Variants in POC1B observed in about 807,000 individuals in gnomAD.
The protein encoded by POC1B is POC1 centriolar protein homolog B.
POC1B carries 44 observed loss-of-function variants against 60.6 expected under a neutral mutation model. That is an observed-to-expected ratio of 0.73 (90% CI 0.57 to 0.93). The LOEUF is 0.93. POC1B is among the 40% of genes least tolerant of loss of function. The probability of loss-of-function intolerance (pLI) is 0.00; values close to 1 mark genes in which losing one functional copy is unlikely to be tolerated. For missense variants in POC1B, 555 were observed against 572.3 expected (o/e 0.97, Z 0.31); for synonymous variants, 180 against 198.9 (o/e 0.90, Z 0.80).
intron 2 of POC1B, among the ~76,000 whole-genome samples, chr12:89,502,979 G>A (rs901095926): frequency 1.3e-5 from 2 of 152,100 alleles, no homozygotes; most frequent in African/African-American, 4.8e-5. Context: ...GTGTATATAT[G>A]TATATGTGAA....
intron 9 of POC1B, 136 bp downstream of exon 9, chr12:89,466,634 A>G (rs1405119264): frequency 1.4e-5 from 11 of 804,966 alleles, no homozygotes; most frequent in Non-Finnish European, 5.7e-6. Context: ...TATAGTGAAA[A>G]CAACTGTTTA....
chr12:89,404,594 A>G, the POC1B span, among the ~76,000 whole-genome samples: 1 of 152,134 alleles, frequency 6.6e-6, no homozygotes, highest in Non-Finnish European at 1.5e-5. Flanking sequence ...AGGTTCTATC[A>G]ATAATTTTGA....
In POC1B at chr12:89,482,017, A is replaced by G. The variant is rs115101457; in HGVS notation, c.453-9742T>C. 3.7e-3 allele frequency among the ~76,000 whole-genome samples: 568 copies of G among 152,318 alleles called. 2 individuals carry two copies. Among genetic ancestry groups the G allele is most frequent in the African/African-American group, 0.013 (530 of 41,562 alleles). ...CTTTAGACAACGACAGCATAATCTA[A>G]ACTCAAAAATTTAGCCATGTTTGGA... On this transcript the variant is annotated intron_variant, in intron 4 of 11. Coordinates refer to ENST00000313546, the MANE Select transcript of POC1B (RefSeq NM_172240.3).
chr12:89,522,836 G>T, intron 2 of POC1B: 1 of 1,586,656 alleles, frequency 6.3e-7, no homozygotes, highest in South Asian at 1.2e-5. Context: ...CTCCAAATTT[G>T]ATTTTTATCT....
chr12:89,487,555 A>G (rs2135733832), intron 4 of POC1B, among the ~76,000 whole-genome samples: 1 of 152,302 alleles, frequency 6.6e-6, no homozygotes. Context: ...CTCAAGTTCC[A>G]CAGAGGCTGA....
chr12:89,522,660 T>C, intron 2 of POC1B: 1 of 913,298 alleles, frequency 1.1e-6, no homozygotes. Flanking sequence ...AGTTTCAGTG[T>C]GATATACCAA....
chr12:89,432,656 G>C (rs1881086463), intron 10 of POC1B, among the ~76,000 whole-genome samples: 3 of 152,170 alleles, frequency 2.0e-5, no homozygotes, highest in Admixed American at 2.0e-4. Flanking sequence ...GCTAAGCAAT[G>C]TGCTGTGTTA....
chr12:89,466,787 T>C lies in POC1B; in HGVS notation c.1015A>G (p.Lys339Glu). 1 of 1,612,322 alleles carries C rather than the reference T, an allele frequency of 6.2e-7. No homozygotes were observed. ...YPRTPHPHEE[K>E]VETVEINPKL... is the part of the protein sequence containing the mutation. The stretch of plus-strand genomic sequence containing the variant: ...ATACTCACTTCTACAGTCTCAACTT[T>C]TTCCTCATGGGGATGTGGTGTTCTT... Residue 339 changes from lysine (K) to glutamate (E), a missense_variant, in exon 9 of 12, where the codon AAA (lysine) becomes GAA (glutamate). Coordinates refer to ENST00000313546, the MANE Select transcript of POC1B (RefSeq NM_172240.3).
At chr12:89,491,844 A>T in intron 4 of POC1B, 92 bp downstream of exon 4, 1 of 1,061,746 alleles carries the variant, frequency 9.4e-7, no homozygotes, top group Non-Finnish European at 1.3e-6. Flanking sequence ...GAATGAATGA[A>T]TATGTCCTCA....
chr12:89,415,536 G>T (rs903436209), downstream of POC1B, among the ~76,000 whole-genome samples: 1 of 151,942 alleles, frequency 6.6e-6, no homozygotes, highest in South Asian at 2.1e-4. Flanking sequence ...CCAGCTACTC[G>T]GGAGGCTGAG....
the POC1B span, among the ~76,000 whole-genome samples, chr12:89,408,528 C>T: frequency 6.6e-6 from 1 of 151,586 alleles, no homozygotes; most frequent in East Asian, 1.9e-4. Flanking sequence ...CTCTGTCACC[C>T]AGGCTGGAGT....
chr12:89,466,895 C>A lies in POC1B; in HGVS notation c.907G>T (p.Glu303Ter). ...TTGGTAAGACCTTTACAATGCAATT[C>A]ATCAAAGTTAGTCCTCCATAATAAG... ...QVLLWRTNFDELHCKGLTKRN... is the reference protein window; with the variant it reads ...QVLLWRTNFD Residue 303 changes from glutamate (E) to a stop codon, truncating the protein, a stop_gained, in exon 9 of 12, where the codon GAA becomes TAA. Transcript: ENST00000313546. LOFTEE classifies it high-confidence loss of function. 2 of 1,612,576 alleles carry A rather than the reference C, an allele frequency of 1.2e-6. No homozygotes were observed. Among genetic ancestry groups the A allele is most frequent in the Non-Finnish European group, 8.5e-7 (1 of 1,179,240 alleles).
chr12:89,402,618 C>T, the POC1B span, among the ~76,000 whole-genome samples: 4 of 152,208 alleles, frequency 2.6e-5, no homozygotes, highest in African/African-American at 9.6e-5. Flanking sequence ...TCAGAACATG[C>T]GGTATTTGGT....
At chr12:89,500,081 CG>C in intron 2 of POC1B, 1 of 1,352,208 alleles carries the variant, frequency 7.4e-7, no homozygotes, top group Non-Finnish European at 1.0e-6. Context: ...GCTGGCTCAG[CG>C]GGGCCGGAAC....
At chr12:89,497,544 T>C (rs1869320022) in intron 2 of POC1B, among the ~76,000 whole-genome samples, 1 of 152,216 alleles carries the variant, frequency 6.6e-6, no homozygotes, top group Admixed American at 6.5e-5. Flanking sequence ...GGCTGTGTCC[T>C]ATGTAAGCAC....
At chr12:89,496,491 A>T (rs965672458) in intron 3 of POC1B, among the ~76,000 whole-genome samples, 1 of 152,226 alleles carries the variant, frequency 6.6e-6, no homozygotes, top group African/African-American at 2.4e-5. Flanking sequence ...GATTGACGGG[A>T]ATATGAGGCA....
intron 2 of POC1B, 131 bp from the exon 3 acceptor site, chr12:89,497,473 C>A: frequency 1.2e-6 from 1 of 818,534 alleles, no homozygotes. Context: ...TAAGGCTGCC[C>A]AGGTAATAGC....
intron 2 of POC1B, among the ~76,000 whole-genome samples, chr12:89,512,937 G>A (rs1338048008): frequency 6.6e-6 from 1 of 152,164 alleles, no homozygotes; most frequent in African/African-American, 2.4e-5. Flanking sequence ...ATAAACCAGT[G>A]CTTCTCAAAG....
chr12:89,428,047 C>T (rs1880848085), intron 10 of POC1B: 1 of 152,148 alleles, frequency 6.6e-6, no homozygotes, highest in South Asian at 2.1e-4. Flanking sequence ...TATGGAAATA[C>T]AAAGGATTCT....
Sources: allele counts gnomAD v4.1 joint callset (sites outside exome capture counted in the v4.1 genomes callset), GRCh38; gene constraint gnomAD v4.1.1; transcripts MANE v1.5; gene names NCBI Gene and HGNC (gene_info 2026-07-23, HGNC 2026-07-21).